The following TMEM132B variants were observed in gnomAD, a reference collection of about 807,000 sequenced individuals.
TMEM132B encodes transmembrane protein 132B.
A neutral mutation model predicts 90.8 loss-of-function variants in TMEM132B; 18 were observed. The ratio of observed to expected loss-of-function variants is 0.20; its 90% CI spans 0.14 to 0.29. TMEM132B has a LOEUF of 0.29. Ranked by LOEUF, TMEM132B falls within the 10% of genes least tolerant of loss-of-function variation. The pLI, the probability that TMEM132B is intolerant of heterozygous loss-of-function variation, is 1.00. For synonymous variants in TMEM132B, 504 were observed against 523.3 expected (o/e 0.96, Z 0.50); for missense variants, 1,096 against 1,326.8 (o/e 0.83, Z 2.70).
At chr12:125,294,754 A>G (rs901986052) in intron 1 of TMEM132B, among the ~76,000 whole-genome samples, 14 of 152,358 alleles carry the variant, frequency 9.2e-5, no homozygotes, top group East Asian at 7.7e-4. Context: ...CACAGTATAC[A>G]TGATATTGAT....
Position 125,349,472 on chromosome 12 carries a change from G to T in TMEM132B, c.88G>T (p.Val30Leu). The T allele has an allele frequency of 6.2e-7, 1 of 1,612,180 alleles. No homozygotes were observed. The highest frequency in any genetic ancestry group is 8.5e-7 in the Non-Finnish European group (1 of 1,179,016). Residue 30 changes from valine to leucine, a missense_variant, in exon 2 of 9, where the codon GTG (valine) becomes TTG (leucine). Val to Leu is a conservative substitution (Grantham distance 32). Transcript: ENST00000682704. This position sits in a 1 kb window ranked among gnomAD's most constrained non-coding sequence, Gnocchi z 4.1. ...QCPVTESRGI[V>L]DSLQKFSSLP... Reference sequence around the variant, plus strand: ...TGCAGTGACAGAGAGTCGAGGGATTGTGGATAGCCTGCAGAAGTTTTCCTC... The same window carrying T: ...TGCAGTGACAGAGAGTCGAGGGATTTTGGATAGCCTGCAGAAGTTTTCCTC...
intron 1 of TMEM132B, among the ~76,000 whole-genome samples, chr12:125,334,322 A>G (rs535024100): frequency 2.0e-5 from 3 of 152,306 alleles, no homozygotes; most frequent in African/African-American, 7.2e-5. Context: ...GAACTACCTC[A>G]GCACTTTCTC....
intron 3 of TMEM132B, among the ~76,000 whole-genome samples, chr12:125,515,934 TGTCA>T (rs1340898211): frequency 2.6e-5 from 4 of 151,968 alleles, no homozygotes; most frequent in Non-Finnish European, 5.9e-5. Context: ...CCTATTTCTC[TGTCA>T]CACACAGAGC....
At chr12:125,520,615 C>G (rs981467957) in intron 4 of TMEM132B, among the ~76,000 whole-genome samples, 2 of 152,210 alleles carry the variant, frequency 1.3e-5, no homozygotes, top group Non-Finnish European at 2.9e-5. Flanking sequence ...GTCACCTTCT[C>G]TGACCTTGTT....
At chr12:125,547,481 A>G (rs1476093670) in intron 4 of TMEM132B, among the ~76,000 whole-genome samples, 9 of 151,972 alleles carry the variant, frequency 5.9e-5, no homozygotes, top group Admixed American at 5.9e-4. Flanking sequence ...CGTTATTTTC[A>G]TAGGTTGTTC....
chr12:125,608,589 A>G (rs905154513), intron 5 of TMEM132B, among the ~76,000 whole-genome samples: 2 of 152,202 alleles, frequency 1.3e-5, no homozygotes, highest in African/African-American at 4.8e-5. Flanking sequence ...TCTAAATGTA[A>G]CCAATTAACT....
chr12:125,456,883 T>C (rs1881305562), intron 3 of TMEM132B, among the ~76,000 whole-genome samples: 1 of 152,244 alleles, frequency 6.6e-6, no homozygotes, highest in South Asian at 2.1e-4. Flanking sequence ...CTATTTTTTA[T>C]GAAAAATCCC....
At chr12:125,253,072 C>CT (rs982653210) in intron 1 of TMEM132B, among the ~76,000 whole-genome samples, 23 of 152,186 alleles carry the variant, frequency 1.5e-4, no homozygotes, top group African/African-American at 5.6e-4. Flanking sequence ...TGTGAGCTGT[C>CT]TTGTTGTAAG....
In TMEM132B at chr12:125,257,296, A is replaced by G. The variant is rs1167336831; in HGVS notation, c.67+70430A>G. ...ACTTCAGGCCGGGCAACAGAGAAAG[A>G]CCGTCTCTGAAAAAAAAAGTCAAGT... On this transcript the variant is annotated intron_variant, in intron 1 of 8. Transcript: ENST00000682704. Among the ~76,000 whole-genome samples, 6 of 151,878 alleles carry G rather than the reference A, an allele frequency of 4.0e-5. No individual in the cohort carries two copies. The East Asian group carries it at 1.2e-3, about 29-fold the overall frequency.
intron 2 of TMEM132B, among the ~76,000 whole-genome samples, chr12:125,414,771 G>A (rs9669089): frequency 0.16 from 24,251 of 152,206 alleles, 2,257 homozygotes; most frequent in South Asian, 0.33. Flanking sequence ...CAAGTCCCCA[G>A]GTCGCCCTGG....
intron 1 of TMEM132B, among the ~76,000 whole-genome samples, chr12:125,231,101 C>T (rs1262568000): frequency 6.6e-6 from 1 of 152,118 alleles, no homozygotes; most frequent in Admixed American, 6.5e-5. Context: ...AGGGGAGGCT[C>T]CTTCCTTGCC....
intron 1 of TMEM132B, among the ~76,000 whole-genome samples, chr12:125,262,245 C>CAAAAAAAA: frequency 1.2e-5 from 1 of 84,310 alleles, no homozygotes; most frequent in Non-Finnish European, 2.4e-5. Flanking sequence ...CCTGTTTCTA[C>CAAAAAAAA]AAAAAAAAAA....
rs3042320 is a variant in TMEM132B, at chr12:125,582,271, A to AATTATTATT, written c.1294-1548_1294-1540dup. On this transcript the variant is annotated intron_variant, in intron 4 of 8. Transcript: ENST00000682704. Reference sequence around the variant, plus strand: ...CCATACATAATAGCTAAGTTTTAGCAATTATTATTATTATTATTATTATTA... The same window carrying AATTATTATT: ...CCATACATAATAGCTAAGTTTTAGCAATTATTATTATTATTATTATTATTATTATTATTA... 1.3e-3 allele frequency among the ~76,000 whole-genome samples: 193 copies of AATTATTATT among 145,826 alleles called. 1 individual carries two copies. The highest frequency in any genetic ancestry group is 6.3e-3 in the East Asian group (32 of 5,042).
chr12:125,362,381 G>A (rs1283004770), intron 2 of TMEM132B, among the ~76,000 whole-genome samples: 2 of 152,044 alleles, frequency 1.3e-5, no homozygotes, highest in Non-Finnish European at 2.9e-5. Context: ...TATTTCAAAT[G>A]ACCTGGAATA....
chr12:125,306,045 G>A (rs768646154), intron 1 of TMEM132B, among the ~76,000 whole-genome samples: 3 of 152,208 alleles, frequency 2.0e-5, no homozygotes, highest in African/African-American at 4.8e-5. Flanking sequence ...GAATGTTACC[G>A]ATAGGCCCCA....
At chr12:125,465,853 C>A (rs1881550609) in intron 3 of TMEM132B, among the ~76,000 whole-genome samples, 1 of 152,078 alleles carries the variant, frequency 6.6e-6, no homozygotes, top group Non-Finnish European at 1.5e-5. Flanking sequence ...ATTCTGGGGC[C>A]CCCTGCCTCG....
At chr12:125,536,218 G>T (rs1450823198) in intron 4 of TMEM132B, among the ~76,000 whole-genome samples, 1 of 152,224 alleles carries the variant, frequency 6.6e-6, no homozygotes, top group African/African-American at 2.4e-5. Flanking sequence ...ACAGACTGCT[G>T]CACAGAGTTG....
At chr12:125,636,315 G>A (rs1406787829) in intron 5 of TMEM132B, among the ~76,000 whole-genome samples, 1 of 134,968 alleles carries the variant, frequency 7.4e-6, no homozygotes, top group African/African-American at 3.1e-5. Flanking sequence ...CTTGCACTTA[G>A]AATGTGAGCT....
intron 2 of TMEM132B, among the ~76,000 whole-genome samples, chr12:125,411,276 C>T (rs934096222): frequency 4.7e-5 from 7 of 148,766 alleles, no homozygotes; most frequent in African/African-American, 1.2e-4. Flanking sequence ...AACCAAACAC[C>T]GCGTGTTCTC....
Sources: allele counts gnomAD v4.1 joint callset (sites outside exome capture counted in the v4.1 genomes callset), GRCh38; gene constraint gnomAD v4.1.1; non-coding constraint Gnocchi (gnomAD v3.1); transcripts MANE v1.5; gene names NCBI Gene and HGNC (gene_info 2026-07-23, HGNC 2026-07-21).